Variants in IP6K3 observed in about 807,000 individuals in gnomAD.
IP6K3 encodes ATP:1D-myo-inositol-hexakisphosphate phosphotransferase.
Under a neutral mutation model 28.8 loss-of-function variants are expected in IP6K3, and 20 were observed. The observed-to-expected ratio is 0.70, with a 90% CI of 0.49 to 1.01. The LOEUF (loss-of-function observed/expected upper bound fraction) is 1.01. Among genes scored for constraint, IP6K3 ranks in the 50% least tolerant of loss-of-function variants. The probability of loss-of-function intolerance (pLI) is 0.00; values close to 1 mark genes in which losing one functional copy is unlikely to be tolerated. For missense variants in IP6K3, 480 were observed against 537.1 expected (o/e 0.89, Z 1.05); for synonymous variants, 213 against 221.3 (o/e 0.96, Z 0.33).
intron 1 of IP6K3, among the ~76,000 whole-genome samples, chr6:33,743,944 T>C (rs187385859): frequency 7.9e-5 from 12 of 152,232 alleles, no homozygotes; most frequent in Admixed American, 2.6e-4. Flanking sequence ...ACAGAGATTA[T>C]TAGTTTAGAA....
the IP6K3 span, among the ~76,000 whole-genome samples, chr6:33,759,195 G>C: frequency 6.6e-6 from 1 of 152,250 alleles, no homozygotes; most frequent in African/African-American, 2.4e-5. Context: ...AGAGGTGGAA[G>C]TAAGCCTGGG....
rs1051312227 is a variant in IP6K3 at position 33,742,811 on chromosome 6, G to A, written c.-180+3947C>T. Among the ~76,000 whole-genome samples the A allele has an allele frequency of 1.3e-5, 2 of 152,152 alleles. No homozygotes were observed. Among genetic ancestry groups the A allele is most frequent in the East Asian group, 1.9e-4 (1 of 5,190 alleles). ...TTGACAAATGGGTCCTGGAGAAGAG[G>A]TTAGGAGAGGTACTGCTCCTGGCTG... On this transcript the variant is annotated intron_variant, in intron 1 of 5. Transcript: ENST00000293756. The surrounding 1 kb of genome is among the most constrained non-coding windows in gnomAD (Gnocchi z 4.5).
rs1266308731 is a variant in IP6K3 at position 33,746,279 on chromosome 6, T to C, written c.-180+479A>G. Among the ~76,000 whole-genome samples the C allele has an allele frequency of 1.3e-5, 2 of 152,034 alleles. No individual in the cohort carries two copies. On this transcript the variant is annotated intron_variant, in intron 1 of 5. Coordinates refer to ENST00000293756, the MANE Select transcript of IP6K3 (RefSeq NM_054111.5). This position sits in a 1 kb window ranked among gnomAD's most constrained non-coding sequence, Gnocchi z 6.5. ...AGCCTGGTGCCGGCCTCCTGCCCCC[T>C]CCCGTGGAAAGCTGGGGCTGCTGGG...
chr6:33,756,875 C>T, the IP6K3 span, among the ~76,000 whole-genome samples: 12 of 152,196 alleles, frequency 7.9e-5, no homozygotes, highest in African/African-American at 2.4e-4. Context: ...TTTGCAACAC[C>T]GTCTTGGTCT....
At chr6:33,727,018 CT>C in intron 3 of IP6K3, 112 bp from the exon 4 acceptor site, 2 of 1,163,500 alleles carry the variant, frequency 1.7e-6, no homozygotes, top group Admixed American at 5.3e-5. Flanking sequence ...GTCCCAGCTG[CT>C]CTCCAGGGCA....
At chr6:33,755,843 A>T in the IP6K3 span, among the ~76,000 whole-genome samples, 5 of 152,108 alleles carry the variant, frequency 3.3e-5, no homozygotes, top group South Asian at 2.1e-4. Flanking sequence ...AGACAGCTAA[A>T]TTTTTTTTAT....
chr6:33,723,025 G>A lies in IP6K3; in HGVS notation c.928C>T (p.Leu310Phe). ...GAACTCTGGCTCCTAATGACAGAGA[G>A]GAGGGCCCGGAGCTGGTGCAGGATG... Reference protein sequence around the residue: ...EPILHQLRALLSVIRSQSSYR... With the variant: ...EPILHQLRALFSVIRSQSSYR... The change falls in exon 6 of 6, where the codon CTC becomes TTC. Residue 310 changes from leucine (L) to phenylalanine (F), a missense_variant. Leu to Phe is a conservative substitution (Grantham distance 22). Coordinates refer to ENST00000293756, the MANE Select transcript of IP6K3 (RefSeq NM_054111.5). 1 of 1,614,164 alleles carries A rather than the reference G, an allele frequency of 6.2e-7. No homozygotes were observed.
At chr6:33,750,096 A>G (rs543602575), upstream of IP6K3, among the ~76,000 whole-genome samples, 37 of 152,250 alleles carry the variant, frequency 2.4e-4, no homozygotes, top group Admixed American at 2.1e-3. The surrounding 1 kb of genome is among the most constrained non-coding windows in gnomAD (Gnocchi z 4.3). Context: ...CTGGCTGTTC[A>G]TCCATCACTA....
Position 33,728,140 on chromosome 6 carries a change from G to T in IP6K3, c.360C>A (p.Asp120Glu), listed in dbSNP as rs561613329. The T allele has an allele frequency of 1.5e-5, 24 of 1,610,752 alleles. 1 individual carries two copies. In the South Asian group the frequency reaches 2.5e-4, roughly 17 times the overall value. The change falls in exon 3 of 6, where the codon GAC becomes GAA. Residue 120 changes from aspartate (D) to glutamate (E), a missense_variant. By Grantham distance (45) the Asp-to-Glu change is conservative. Coordinates refer to ENST00000293756, the MANE Select transcript of IP6K3 (RefSeq NM_054111.5). Reference protein sequence around the residue: ...LQQTTGSNGSDCTLAQWPHAQ... With the variant: ...LQQTTGSNGSECTLAQWPHAQ... Reference sequence around the variant, plus strand: ...CATGCGGCCACTGGGCAAGGGTGCAGTCGCTGCCATTGCTGCCGGTGGTCT... The same window carrying T: ...CATGCGGCCACTGGGCAAGGGTGCATTCGCTGCCATTGCTGCCGGTGGTCT...
chr6:33,747,808 G>A (rs979143233), upstream of IP6K3, among the ~76,000 whole-genome samples: 27 of 152,246 alleles, frequency 1.8e-4, no homozygotes, highest in South Asian at 1.5e-3. The surrounding 1 kb of genome is among the most constrained non-coding windows in gnomAD (Gnocchi z 5.2). Context: ...AGGAAGAGTC[G>A]GCTCAGGCTT....
chr6:33,734,687 T>C (rs966124555), intron 2 of IP6K3, among the ~76,000 whole-genome samples: 1 of 152,190 alleles, frequency 6.6e-6, no homozygotes, highest in Non-Finnish European at 1.5e-5. Flanking sequence ...CCCACCCACT[T>C]TCTTTCCCCA....
At chr6:33,726,644 G>T in intron 4 of IP6K3, 87 bp downstream of exon 4, 1 of 1,337,158 alleles carries the variant, frequency 7.5e-7, no homozygotes, top group Non-Finnish European at 1.0e-6. Flanking sequence ...CCGTGTTTGT[G>T]TGTGTTTCCT....
chr6:33,729,602 G>C (rs1178776184), intron 2 of IP6K3, among the ~76,000 whole-genome samples: 1 of 152,232 alleles, frequency 6.6e-6, no homozygotes, highest in Non-Finnish European at 1.5e-5. Flanking sequence ...TGGCCCTCCT[G>C]GCCTGGGGTG....
At chr6:33,741,499 A>T (rs1347579538) in intron 1 of IP6K3, among the ~76,000 whole-genome samples, 2 of 151,996 alleles carry the variant, frequency 1.3e-5, no homozygotes, top group Admixed American at 1.3e-4. Flanking sequence ...TTTAAAAAGT[A>T]GCCAGGTGTG....
At chr6:33,730,820 C>T (rs899796112) in intron 2 of IP6K3, among the ~76,000 whole-genome samples, 1 of 152,136 alleles carries the variant, frequency 6.6e-6, no homozygotes, top group South Asian at 2.1e-4. Flanking sequence ...ACAGGCTGTT[C>T]CAGAAGGTCT....
At chr6:33,759,219 C>T in the IP6K3 span, among the ~76,000 whole-genome samples, 1 of 152,192 alleles carries the variant, frequency 6.6e-6, no homozygotes, top group African/African-American at 2.4e-5. Context: ...GGGGAAGGGA[C>T]AGATGTTCTT....
chr6:33,759,441 C>T, the IP6K3 span, among the ~76,000 whole-genome samples: 1 of 152,044 alleles, frequency 6.6e-6, no homozygotes, highest in African/African-American at 2.4e-5. Flanking sequence ...GCCATGTTGA[C>T]CTGGTCTCAA....
intron 1 of IP6K3, among the ~76,000 whole-genome samples, chr6:33,738,065 A>T (rs768586777): frequency 2.0e-5 from 3 of 150,440 alleles, no homozygotes; most frequent in Non-Finnish European, 2.9e-5. Flanking sequence ...GGAGAAGGCA[A>T]GAAGGAGTAG....
chr6:33,753,210 G>A, the IP6K3 span, among the ~76,000 whole-genome samples: 1 of 152,142 alleles, frequency 6.6e-6, no homozygotes, highest in Admixed American at 6.5e-5. Flanking sequence ...GAGCCACCAC[G>A]CTTGACCTAT....
Sources: gnomAD v4.1 joint callset for allele counts (sites outside exome capture counted in the v4.1 genomes callset) on GRCh38, gnomAD v4.1.1 for gene constraint, Gnocchi (gnomAD v3.1) non-coding constraint, MANE v1.5 for transcripts, NCBI Gene and HGNC (gene_info 2026-07-23, HGNC 2026-07-21) for gene names.